FAT3: variants seen among roughly 807,000 people sequenced by gnomAD.
The protein encoded by FAT3 is FAT atypical cadherin 3, also known as protocadherin Fat 3.
In FAT3, 95 loss-of-function variants were observed where a neutral mutation model predicts 310.2. The observed-to-expected ratio is 0.31, with a 90% CI of 0.26 to 0.36. FAT3 has a LOEUF of 0.36. Among genes scored for constraint, FAT3 ranks in the 10% least tolerant of loss-of-function variants. The pLI is 1.00. For synonymous variants in FAT3, 2,314 were observed against 2,192.9 expected (o/e 1.06, Z -1.54); for missense variants, 5,408 against 5,715.6 (o/e 0.95, Z 1.74).
At chr11:92,401,403 A>G (rs576768268) in intron 2 of FAT3, among the ~76,000 whole-genome samples, 1 of 152,272 alleles carries the variant, frequency 6.6e-6, no homozygotes, top group East Asian at 1.9e-4. Flanking sequence ...CTCTAGGAGG[A>G]AAGACTTCCC....
chr11:92,878,039 T>C (rs1949572451), intron 22 of FAT3, among the ~76,000 whole-genome samples: 1 of 152,190 alleles, frequency 6.6e-6, no homozygotes, highest in African/African-American at 2.4e-5. Flanking sequence ...AGACCATTTG[T>C]GTATATACAT....
At position 92,569,885 on chromosome 11, in the gene FAT3, C is replaced by T. The variant is rs192633092; in HGVS notation, c.3607+44937C>T. On this transcript the variant is annotated intron_variant, in intron 3 of 27. Coordinates refer to ENST00000525166, the MANE Select transcript of FAT3 (RefSeq NM_001367949.2). The stretch of plus-strand genomic sequence containing the variant: ...AATTGGTTGGAAAAGTGATTTCCAA[C>T]AGCTCATGCTCTCTGGAGCTATGAC... Among the ~76,000 whole-genome samples, 6 of 152,294 alleles carry T rather than the reference C, an allele frequency of 3.9e-5. No individual in the cohort carries two copies. In the East Asian group the frequency reaches 1.2e-3, roughly 29 times the overall value.
At chr11:92,528,506 C>T (rs1591405746) in intron 3 of FAT3, among the ~76,000 whole-genome samples, 1 of 152,332 alleles carries the variant, frequency 6.6e-6, no homozygotes, top group East Asian at 1.9e-4. Flanking sequence ...CCTGCCTCAG[C>T]CTCCCGAGTA....
chr11:92,572,493 G>C (rs1308009535), intron 3 of FAT3, among the ~76,000 whole-genome samples: 1 of 152,062 alleles, frequency 6.6e-6, no homozygotes. Context: ...AGCTAGAGTA[G>C]GTTTTTAATA....
intron 2 of FAT3, among the ~76,000 whole-genome samples, chr11:92,446,878 G>A (rs1166464303): frequency 2.0e-5 from 3 of 152,118 alleles, no homozygotes; most frequent in African/African-American, 2.4e-5. Flanking sequence ...GTAGTTCTAG[G>A]TAGTCATCAG....
chr11:92,679,841 CAA>C (rs71064721), intron 3 of FAT3, among the ~76,000 whole-genome samples: 23 of 57,250 alleles, frequency 4.0e-4, no homozygotes, highest in African/African-American at 1.1e-3. Context: ...GACTCCATCT[CAA>C]AAAAAAAAAA....
chr11:92,640,558 A>G (rs779611938), intron 3 of FAT3, among the ~76,000 whole-genome samples: 115 of 152,306 alleles, frequency 7.6e-4, no homozygotes, highest in Non-Finnish European at 1.4e-3. Context: ...GCATACACAT[A>G]AAAGTAAGGA....
At chr11:92,509,593 C>G (rs1452805929) in intron 2 of FAT3, among the ~76,000 whole-genome samples, 1 of 152,148 alleles carries the variant, frequency 6.6e-6, no homozygotes, top group East Asian at 1.9e-4. Context: ...AACATTCTTA[C>G]ACATAGTTTA....
intron 3 of FAT3, among the ~76,000 whole-genome samples, chr11:92,617,836 C>T (rs1940885053): frequency 6.6e-6 from 1 of 152,178 alleles, no homozygotes; most frequent in Admixed American, 6.5e-5. Context: ...CCCAATCCTT[C>T]CTCTGGATGC....
At chr11:92,639,472 T>TTCTCTCTTTCTCTCTCTCTCAA (rs1941880731) in intron 3 of FAT3, among the ~76,000 whole-genome samples, 3 of 152,142 alleles carry the variant, frequency 2.0e-5, no homozygotes, top group African/African-American at 7.2e-5. Context: ...TCAAGATCAC[T>TTCTCTCTTTCTCTCTCTCTCAA]TCTCTCTTTC....
At position 92,685,031 on chromosome 11, in the gene FAT3, G is replaced by T. The variant is rs892629117; in HGVS notation, c.3608-12353G>T. Among the ~76,000 whole-genome samples, 10 of 152,238 alleles carry T rather than the reference G, an allele frequency of 6.6e-5. No individual in the cohort carries two copies. The South Asian group carries it at 2.1e-3, about 32-fold the overall frequency. On this transcript the variant is annotated intron_variant, in intron 3 of 27. Coordinates refer to ENST00000525166, the MANE Select transcript of FAT3 (RefSeq NM_001367949.2). ...TATCCTCCATCTTGATATGTATCGT[G>T]GGGTGCTTGGTGGACCTACAGAAAT... is the stretch of plus-strand genomic sequence containing the variant.
chr11:92,799,988 G>T lies in FAT3; in HGVS notation c.6975G>T (p.Gln2325His). 1 of 1,613,754 alleles carries T rather than the reference G, an allele frequency of 6.2e-7. No homozygotes were observed. Among genetic ancestry groups the T allele is most frequent in the East Asian group, 2.2e-5 (1 of 44,834 alleles). The change falls in exon 10 of 28, where the codon CAG becomes CAT. Residue 2325 changes from glutamine (Q) to histidine (H), a missense_variant. This residue lies in a region of FAT3 where 4,588 missense variants were observed against 4,809.8 expected (regional missense o/e 0.95). Coordinates refer to ENST00000525166, the MANE Select transcript of FAT3 (RefSeq NM_001367949.2). Reference sequence around the variant, plus strand: ...AAAACAATAAAATGGTACATTATCAGATTGTCCAGGATACCTACAATAGCA... The same window carrying T: ...AAAACAATAAAATGGTACATTATCATATTGTCCAGGATACCTACAATAGCA... ...DSENNKMVHY[Q>H]IVQDTYNSTD...
intron 2 of FAT3, among the ~76,000 whole-genome samples, chr11:92,421,534 A>G (rs1275438555): frequency 3.9e-5 from 6 of 152,190 alleles, no homozygotes; most frequent in South Asian, 4.1e-4. Flanking sequence ...TAATTGAGCA[A>G]TTGTGTGCTT....
intron 1 of FAT3, among the ~76,000 whole-genome samples, chr11:92,265,255 C>T (rs1177909332): frequency 6.6e-6 from 1 of 151,696 alleles, no homozygotes; most frequent in African/African-American, 2.4e-5. Context: ...AGACTAGGAA[C>T]AAAAATTGTT....
chr11:92,261,259 A>C (rs1865542016), intron 1 of FAT3, among the ~76,000 whole-genome samples: 1 of 152,122 alleles, frequency 6.6e-6, no homozygotes, highest in Non-Finnish European at 1.5e-5. Context: ...AGCTTACATC[A>C]TTAAATAGGA....
chr11:92,747,068 T>A (rs1355755700), intron 4 of FAT3, among the ~76,000 whole-genome samples: 1 of 152,176 alleles, frequency 6.6e-6, no homozygotes. Context: ...TTCTCACAGT[T>A]CCACTAGGCA....
intron 2 of FAT3, among the ~76,000 whole-genome samples, chr11:92,430,628 T>G (rs1258053896): frequency 6.6e-6 from 1 of 152,076 alleles, no homozygotes; most frequent in Non-Finnish European, 1.5e-5. Context: ...TCATTTAACA[T>G]CAGGTATATC....
At chr11:92,822,254 T>C (rs984560579) in intron 13 of FAT3, among the ~76,000 whole-genome samples, 1 of 152,054 alleles carries the variant, frequency 6.6e-6, no homozygotes. Context: ...TTGATCATAG[T>C]GGTTCTTTCG....
chr11:92,380,524 T>C (rs1949470132), intron 2 of FAT3, among the ~76,000 whole-genome samples: 1 of 152,170 alleles, frequency 6.6e-6, no homozygotes, highest in Non-Finnish European at 1.5e-5. Context: ...GTGTCCTTCA[T>C]AGTAACACTG....
Sources: allele counts gnomAD v4.1 joint callset (sites outside exome capture counted in the v4.1 genomes callset), GRCh38; gene constraint gnomAD v4.1.1; regional missense constraint gnomAD v4.1.1; transcripts MANE v1.5; gene names NCBI Gene and HGNC (gene_info 2026-07-23, HGNC 2026-07-21).